The following ARHGAP21 variants were observed in gnomAD, a reference collection of about 807,000 sequenced individuals.
ARHGAP21 encodes Rho GTPase activating protein 21.
In ARHGAP21, 38 loss-of-function variants were observed where a neutral mutation model predicts 164.6. The ratio of observed to expected loss-of-function variants is 0.23; its 90% CI spans 0.18 to 0.30. ARHGAP21 has a LOEUF of 0.30. Ranked by LOEUF, ARHGAP21 falls within the 10% of genes least tolerant of loss-of-function variation. ARHGAP21 has a pLI of 1.00. For missense variants in ARHGAP21, 1,822 were observed against 2,370.7 expected, an observed-to-expected ratio of 0.77 and a Z score of 4.81; for synonymous variants, 766 against 857.9, an observed-to-expected ratio of 0.89 and a Z score of 1.87.
At chr10:24,613,987 CGT>C (rs1249765369) in intron 9 of ARHGAP21, among the ~76,000 whole-genome samples, 1 of 152,140 alleles carries the variant, frequency 6.6e-6, no homozygotes, top group East Asian at 1.9e-4. Context: ...AGTGTACAAG[CGT>C]GTGTGTATGA....
intron 4 of ARHGAP21, among the ~76,000 whole-genome samples, chr10:24,651,833 A>T (rs1838198185): frequency 6.6e-6 from 1 of 152,242 alleles, no homozygotes; most frequent in African/African-American, 2.4e-5. Context: ...CCAGTATTAT[A>T]AACAATATAA....
chr10:24,704,964 GCAA>G (rs754943380), intron 2 of ARHGAP21, among the ~76,000 whole-genome samples: 1 of 152,112 alleles, frequency 6.6e-6, no homozygotes. Context: ...AAGGATGGTA[GCAA>G]CAACAATCCT....
At chr10:24,667,925 GAA>G (rs1038555722) in intron 3 of ARHGAP21, among the ~76,000 whole-genome samples, 9 of 151,978 alleles carry the variant, frequency 5.9e-5, no homozygotes, top group Non-Finnish European at 1.3e-4. Flanking sequence ...AATTAAAATG[GAA>G]AAGATTCCAA....
At position 24,591,143 on chromosome 10, in the gene ARHGAP21, T is replaced by TTG; in HGVS notation, c.4150+81_4150+82insCA. 3 of 1,203,302 alleles carry TTG rather than the reference T, an allele frequency of 2.5e-6. No homozygotes were observed. The South Asian group carries it at 4.3e-5, about 17-fold the overall frequency. 74.5% of individuals were successfully genotyped at this position (1,203,302 alleles called of 1,614,324 possible). On this transcript the variant is annotated intron_variant, in intron 24 of 25. Transcript: ENST00000396432. Reference sequence around the variant, plus strand: ...AAAAGAAAAAAATCATAAGTAACAATTCACTATGATTGATTTGCTCTTTCA... The same window carrying TTG: ...AAAAGAAAAAAATCATAAGTAACAATTGTCACTATGATTGATTTGCTCTTTCA...
intron 2 of ARHGAP21, among the ~76,000 whole-genome samples, chr10:24,675,869 C>A (rs756989152): frequency 1.1e-4 from 17 of 152,146 alleles, no homozygotes; most frequent in African/African-American, 3.9e-4. Flanking sequence ...AAAAGTAGAT[C>A]GGGCTCAGTG....
At chr10:24,594,493 G>A (rs966098322) in intron 21 of ARHGAP21, among the ~76,000 whole-genome samples, 3 of 152,050 alleles carry the variant, frequency 2.0e-5, no homozygotes, top group Non-Finnish European at 4.4e-5. Context: ...TTAAAAAAAA[G>A]AAAAACTGAA....
intron 2 of ARHGAP21, among the ~76,000 whole-genome samples, chr10:24,686,701 T>G (rs1842243347): frequency 6.6e-6 from 1 of 152,208 alleles, no homozygotes; most frequent in African/African-American, 2.4e-5. Context: ...TCATGGATTT[T>G]CCATAATGAA....
chr10:24,598,101 T>C, intron 14 of ARHGAP21, 92 bp from the exon 15 acceptor site: 1 of 969,686 alleles, frequency 1.0e-6, no homozygotes, highest in Non-Finnish European at 1.6e-6. Flanking sequence ...GCTTTGCTTA[T>C]TTAACACAAA....
At chr10:24,681,779 A>T (rs1332377028) in intron 2 of ARHGAP21, among the ~76,000 whole-genome samples, 2 of 152,132 alleles carry the variant, frequency 1.3e-5, no homozygotes, top group African/African-American at 2.4e-5. Context: ...ACAAGACAGG[A>T]TTTGAATGTG....
chr10:24,672,692 AT>A (rs1840828193), intron 2 of ARHGAP21, among the ~76,000 whole-genome samples: 1 of 152,076 alleles, frequency 6.6e-6, no homozygotes, highest in Admixed American at 6.6e-5. Context: ...CTTCTATTAT[AT>A]TTTTTATTAT....
At chr10:24,673,680 G>A (rs1372099945) in intron 2 of ARHGAP21, among the ~76,000 whole-genome samples, 1 of 151,898 alleles carries the variant, frequency 6.6e-6, no homozygotes, top group Admixed American at 6.6e-5. Flanking sequence ...TGGCCAACAT[G>A]GTGAAACCTC....
intron 2 of ARHGAP21, among the ~76,000 whole-genome samples, chr10:24,712,928 A>G (rs1844978062): frequency 6.6e-6 from 1 of 151,780 alleles, no homozygotes; most frequent in African/African-American, 2.4e-5. Flanking sequence ...TAAATATACA[A>G]TCTGTATTTA....
In ARHGAP21 at chr10:24,616,073, C is replaced by T. The variant is rs139875842; in HGVS notation, c.2422+3400G>A. ...GATTACGGGCGCAAGCCACTGCACCCGGACTATTTTATTATTTTTTAAATT... is the reference window on the plus strand; with the variant it reads ...GATTACGGGCGCAAGCCACTGCACCTGGACTATTTTATTATTTTTTAAATT... On this transcript the variant is annotated intron_variant, in intron 9 of 25. Coordinates refer to ENST00000396432, the MANE Select transcript of ARHGAP21 (RefSeq NM_020824.4). Among the ~76,000 whole-genome samples, 231 of 152,158 alleles carry T rather than the reference C, an allele frequency of 1.5e-3. 5 individuals carry two copies. In the East Asian group the frequency reaches 0.038, roughly 25 times the overall value.
intron 12 of ARHGAP21, among the ~76,000 whole-genome samples, chr10:24,603,025 G>A (rs2076878448): frequency 6.6e-6 from 1 of 152,198 alleles, no homozygotes. Context: ...TTGAGTTGCT[G>A]ATTAAACATC....
intron 2 of ARHGAP21, among the ~76,000 whole-genome samples, chr10:24,688,285 A>G (rs947722672): frequency 6.6e-6 from 1 of 152,142 alleles, no homozygotes; most frequent in African/African-American, 2.4e-5. Context: ...CCAGGTACTC[A>G]GGAGGCTGGG....
intron 14 of ARHGAP21, among the ~76,000 whole-genome samples, chr10:24,600,132 CAAA>C (rs56180973): frequency 1.3e-4 from 12 of 94,842 alleles, no homozygotes; most frequent in African/African-American, 4.2e-4. Flanking sequence ...GACTTCGTTT[CAAA>C]AAAAAAAAAA....
At position 24,692,819 on chromosome 10, in the gene ARHGAP21, ACT is replaced by A. The variant is rs1323955362; in HGVS notation, c.64-22424_64-22423del. ...TGCACTCCAGCCCAGGCAGCAAGAA[ACT>A]CTGTCTCAAAAAATAAAAAAAATAA... is the stretch of plus-strand genomic sequence containing the variant. On this transcript the variant is annotated intron_variant, in intron 2 of 25. Transcript: ENST00000396432. Among the ~76,000 whole-genome samples the A allele has an allele frequency of 1.1e-4, 17 of 151,918 alleles. No individual in the cohort carries two copies. In the East Asian group the frequency reaches 3.3e-3, roughly 29 times the overall value.
At position 24,585,939 on chromosome 10, in the gene ARHGAP21, A is replaced by G. The variant is rs201172274; in HGVS notation, c.4350T>C (p.Cys1450=). Residue 1450 remains cysteine (C), a synonymous_variant, in exon 26 of 26, where the codon TGT becomes TGC. Transcript: ENST00000396432. ...VFFKKENVEQ[C]HNDTKEESKK... is the part of the protein sequence containing the mutation. ...TGGACTCCTCTTTAGTATCATTGTGACACTGTTCCACATTTTCTTTCTTAA... is the reference window on the plus strand; with the variant it reads ...TGGACTCCTCTTTAGTATCATTGTGGCACTGTTCCACATTTTCTTTCTTAA... 6.2e-7 allele frequency: 1 copy of G among 1,614,110 alleles called. No individual in the cohort carries two copies. Among genetic ancestry groups the G allele is most frequent in the East Asian group, 2.2e-5 (1 of 44,880 alleles).
chr10:24,608,161 T>C (rs1482319963), intron 9 of ARHGAP21, among the ~76,000 whole-genome samples: 1 of 152,180 alleles, frequency 6.6e-6, no homozygotes, highest in Non-Finnish European at 1.5e-5. Context: ...CACTAACTGA[T>C]TGTCAAGGTA....
Sources: allele counts gnomAD v4.1 joint callset (sites outside exome capture counted in the v4.1 genomes callset), GRCh38; gene constraint gnomAD v4.1.1; transcripts MANE v1.5; gene names NCBI Gene and HGNC (gene_info 2026-07-23, HGNC 2026-07-21).